The following ZYG11A variants were observed in gnomAD, a reference collection of about 807,000 sequenced individuals.
ZYG11A encodes protein zyg-11 homolog A.
A neutral mutation model predicts 77.2 loss-of-function variants in ZYG11A; 62 were observed. That is an observed-to-expected ratio of 0.80 (90% confidence interval 0.65 to 0.99). The LOEUF is 0.99. ZYG11A is among the 50% of genes least tolerant of loss of function. The pLI is 0.00. For missense variants in ZYG11A, 828 were observed against 896.8 expected (o/e 0.92, Z 0.98); for synonymous variants, 315 against 324.6 (o/e 0.97, Z 0.32).
At chr1:52,892,703 C>T in intron 13 of ZYG11A, 79 bp from the exon 14 acceptor site, 1 of 1,241,162 alleles carries the variant, frequency 8.1e-7, no homozygotes. Flanking sequence ...ATTGTTTCTT[C>T]AGCAAGGTGA....
chr1:52,854,053 T>C (rs1405706149), intron 1 of ZYG11A, among the ~76,000 whole-genome samples: 2 of 152,206 alleles, frequency 1.3e-5, no homozygotes, highest in Non-Finnish European at 2.9e-5. Flanking sequence ...CAGACTTTTT[T>C]CTTGTCATTA....
intron 13 of ZYG11A, among the ~76,000 whole-genome samples, 162 bp from the exon 14 acceptor site, chr1:52,892,620 A>G (rs985478325): frequency 2.0e-5 from 3 of 152,158 alleles, no homozygotes; most frequent in African/African-American, 7.2e-5. Context: ...AAGCCAAGCA[A>G]GTTTTGAAGA....
intron 10 of ZYG11A, among the ~76,000 whole-genome samples, chr1:52,879,707 T>C (rs1406275402): frequency 1.3e-5 from 2 of 152,114 alleles, no homozygotes; most frequent in African/African-American, 4.8e-5. Context: ...TGTACAATTC[T>C]ACATATCCTA....
chr1:52,881,879 A>T (rs12063038), intron 11 of ZYG11A: 69 of 425,254 alleles, frequency 1.6e-4, no homozygotes, highest in Middle Eastern at 1.3e-3. Flanking sequence ...TTTTTTTTTT[A>T]AAACTATTTA....
At chr1:52,879,143 T>G (rs1025693736) in intron 10 of ZYG11A, among the ~76,000 whole-genome samples, 9 of 152,250 alleles carry the variant, frequency 5.9e-5, no homozygotes, top group African/African-American at 2.2e-4. Flanking sequence ...ATTTCTTCAT[T>G]TCCTAAAGCT....
Position 52,842,763 on chromosome 1 carries a change from A to G in ZYG11A, c.-121A>G, listed in dbSNP as rs1645469366. The G allele has an allele frequency of 1.1e-6, 1 of 935,562 alleles. No homozygotes were observed. Among genetic ancestry groups the G allele is most frequent in the Non-Finnish European group, 1.6e-6 (1 of 633,036 alleles). 58.0% of individuals were successfully genotyped at this position (935,562 alleles called of 1,614,324 possible). A position where few individuals can be genotyped will look rare whatever the true frequency, so the allele number is the denominator to read the frequency against. On this transcript the variant is annotated 5_prime_UTR_variant, in exon 1 of 14. Transcript: ENST00000371528. The stretch of plus-strand genomic sequence containing the variant: ...AAGCTCGCCGGCAGGGCGCGGCGCT[A>G]GCTCCGTGTGCCTCGCAGGCGTGGT...
chr1:52,887,145 T>C, intron 13 of ZYG11A, 92 bp downstream of exon 13: 1 of 586,110 alleles, frequency 1.7e-6, no homozygotes, highest in Admixed American at 2.9e-5. Flanking sequence ...AAAAATTGTC[T>C]ACCTCTGTCC....
chr1:52,884,706 AAGG>A (rs1646418024), intron 11 of ZYG11A, among the ~76,000 whole-genome samples: 1 of 152,150 alleles, frequency 6.6e-6, no homozygotes, highest in Non-Finnish European at 1.5e-5. Context: ...AGCCTAGTAA[AAGG>A]AGAGAGTTGA....
intron 8 of ZYG11A, among the ~76,000 whole-genome samples, chr1:52,873,004 A>C (rs1182319767): frequency 2.0e-5 from 3 of 152,146 alleles, no homozygotes; most frequent in Non-Finnish European, 4.4e-5. Flanking sequence ...AAAACCTTTT[A>C]GAAAGGATTC....
intron 2 of ZYG11A, 65 bp downstream of exon 2, chr1:52,854,695 A>C: frequency 1.5e-6 from 2 of 1,356,506 alleles, no homozygotes; most frequent in Non-Finnish European, 2.0e-6. Context: ...GCACTTTTAC[A>C]CACAATTTCT....
intron 1 of ZYG11A, among the ~76,000 whole-genome samples, chr1:52,845,635 ATTT>A (rs34141053): frequency 2.9e-5 from 4 of 139,296 alleles, no homozygotes; most frequent in Admixed American, 7.2e-5. Flanking sequence ...TTATTTTTGA[ATTT>A]TTTTTTTTTT....
chr1:52,852,241 G>A (rs1414023502), intron 1 of ZYG11A, among the ~76,000 whole-genome samples: 2 of 151,824 alleles, frequency 1.3e-5, no homozygotes, highest in African/African-American at 2.4e-5. Flanking sequence ...TGAAGATGGG[G>A]TTTCACCGTG....
At chr1:52,871,965 C>T (rs986772251) in intron 8 of ZYG11A, among the ~76,000 whole-genome samples, 8 of 152,066 alleles carry the variant, frequency 5.3e-5, no homozygotes, top group African/African-American at 9.7e-5. Context: ...ATTGCTGTTA[C>T]GGGTGGAATC....
At chr1:52,891,050 C>G (rs1017674231) in intron 13 of ZYG11A, among the ~76,000 whole-genome samples, 2 of 151,372 alleles carry the variant, frequency 1.3e-5, no homozygotes, top group Admixed American at 6.6e-5. Flanking sequence ...AGAGGCCCAC[C>G]ACTATGCCCG....
chr1:52,845,937 G>A (rs1645567517), intron 1 of ZYG11A, among the ~76,000 whole-genome samples: 1 of 152,072 alleles, frequency 6.6e-6, no homozygotes, highest in South Asian at 2.1e-4. Flanking sequence ...GATTCCAGAT[G>A]TGAGCCACTG....
intron 10 of ZYG11A, among the ~76,000 whole-genome samples, chr1:52,878,938 G>A (rs1452084708): frequency 4.4e-5 from 3 of 68,588 alleles, no homozygotes; most frequent in African/African-American, 1.3e-4. Context: ...CAACAAGAAC[G>A]AAACTCTGCT....
intron 11 of ZYG11A, among the ~76,000 whole-genome samples, chr1:52,883,872 G>C (rs960993589): frequency 2.0e-5 from 3 of 152,018 alleles, no homozygotes; most frequent in Non-Finnish European, 4.4e-5. Context: ...GAGTGGGACT[G>C]ATTGAAAACT....
intron 8 of ZYG11A, 24 bp from the exon 9 acceptor site, chr1:52,877,658 C>T (rs1646285056): frequency 6.5e-7 from 1 of 1,536,194 alleles, no homozygotes; most frequent in East Asian, 2.4e-5. Context: ...CATCTAACTC[C>T]CTCCCTGTCT....
chr1:52,843,757 G>A (rs1645505008), intron 1 of ZYG11A, among the ~76,000 whole-genome samples: 1 of 149,370 alleles, frequency 6.7e-6, no homozygotes, highest in Non-Finnish European at 1.5e-5. Flanking sequence ...CGCGATCTGG[G>A]CCCACTGCAA....
Sources: allele counts gnomAD v4.1 joint callset (sites outside exome capture counted in the v4.1 genomes callset), GRCh38; gene constraint gnomAD v4.1.1; transcripts MANE v1.5; gene names NCBI Gene and HGNC (gene_info 2026-07-23, HGNC 2026-07-21).